Variants in TTLL2 observed in about 807,000 individuals in gnomAD.
The protein encoded by TTLL2 is probable tubulin polyglutamylase TTLL2.
Under a neutral mutation model 7.5 loss-of-function variants are expected in TTLL2, and 10 were observed. The observed-to-expected ratio is 1.33, with a 90% CI of 0.82 to 2.25. The LOEUF (loss-of-function observed/expected upper bound fraction) is 2.25. Among genes scored for constraint, TTLL2 ranks in the 30% most tolerant of loss-of-function variants. The probability of loss-of-function intolerance (pLI) is 0.00; values close to 1 mark genes in which losing one functional copy is unlikely to be tolerated. For synonymous variants in TTLL2, 284 were observed against 280.3 expected, an observed-to-expected ratio of 1.01 and a Z score of -0.13; for missense variants, 733 against 735.7, an observed-to-expected ratio of 1.00 and a Z score of 0.04.
At chr6:167,330,928 G>A (rs560124237) in intron 1 of TTLL2, among the ~76,000 whole-genome samples, 28 of 152,262 alleles carry the variant, frequency 1.8e-4, no homozygotes, top group South Asian at 1.7e-3. Context: ...GCATGAGCTC[G>A]ATAGCGCCTG....
Position 167,325,191 on chromosome 6 carries a change from G to T in TTLL2, c.18G>T (p.Leu6=). The T allele has an allele frequency of 6.3e-7, 1 of 1,579,152 alleles. No homozygotes were observed. The highest frequency in any genetic ancestry group is 8.6e-7 in the Non-Finnish European group (1 of 1,163,278). Residue 6 remains leucine (L), a synonymous_variant, in exon 1 of 3, where the codon CTG becomes CTT. Coordinates refer to ENST00000239587, the MANE Select transcript of TTLL2 (RefSeq NM_031949.5). Reference sequence around the variant, plus strand: ...AGCGCCCAATGAGAGGGCGGGACCTGTGTTCCTCCACACAAAGCCAGGCGC... The same window carrying T: ...AGCGCCCAATGAGAGGGCGGGACCTTTGTTCCTCCACACAAAGCCAGGCGC... MRGRD[L]CSSTQSQALG... is the part of the protein sequence containing the mutation.
chr6:167,325,236 GAC>G lies in TTLL2; in HGVS notation c.47+19_47+20del, dbSNP rs1177685602. 1 of 1,546,836 alleles carries G rather than the reference GAC, an allele frequency of 6.5e-7. No homozygotes were observed. The highest frequency in any genetic ancestry group is 1.4e-5 in the African/African-American group (1 of 72,582). On this transcript the variant is annotated intron_variant, in intron 1 of 2. Coordinates refer to ENST00000239587, the MANE Select transcript of TTLL2 (RefSeq NM_031949.5). ...AGGCGCTGGGGTAAGCGTAGGAGGCGACACGTAGGATGGGAGGGTGGCCCCGA... is the reference window on the plus strand; with the variant it reads ...AGGCGCTGGGGTAAGCGTAGGAGGCGACGTAGGATGGGAGGGTGGCCCCGA...
chr6:167,328,220 C>T (rs1012391265), intron 1 of TTLL2: 3 of 437,478 alleles, frequency 6.9e-6, no homozygotes, highest in Admixed American at 2.4e-5. Context: ...AGGAGGCTGC[C>T]GTCCCTGGGA....
At chr6:167,332,278 G>T (rs1190872655) in intron 1 of TTLL2, among the ~76,000 whole-genome samples, 4 of 152,154 alleles carry the variant, frequency 2.6e-5, no homozygotes, top group Admixed American at 2.6e-4. Flanking sequence ...GCAGTTGGCT[G>T]CCTGTGGTCG....
intron 1 of TTLL2, chr6:167,327,941 G>A: frequency 4.4e-6 from 2 of 454,236 alleles, no homozygotes; most frequent in Non-Finnish European, 8.9e-6. Flanking sequence ...ACAGCATCTG[G>A]TATCAAGGTC....
At chr6:167,330,805 C>T (rs893057649) in intron 1 of TTLL2, among the ~76,000 whole-genome samples, 3 of 152,094 alleles carry the variant, frequency 2.0e-5, no homozygotes, top group African/African-American at 7.2e-5. Flanking sequence ...TCACACAGGC[C>T]CCAGGACCAA....
At position 167,341,450 on chromosome 6, in the gene TTLL2, C is replaced by G; in HGVS notation, c.1550C>G (p.Pro517Arg). The change falls in exon 3 of 3, where the codon CCT (proline) becomes CGT (arginine). Residue 517 changes from proline to arginine, a missense_variant. Coordinates refer to ENST00000239587, the MANE Select transcript of TTLL2 (RefSeq NM_031949.5). The stretch of plus-strand genomic sequence containing the variant: ...CCCAAGTTACGGAGCAGGCACACGC[C>G]TCACAAGACACTCATGCCCTACGCG... ...SKPKLRSRHT[P>R]HKTLMPYASL... 1 of 1,614,036 alleles carries G rather than the reference C, an allele frequency of 6.2e-7. No individual in the cohort carries two copies. The highest frequency in any genetic ancestry group is 2.2e-5 in the East Asian group (1 of 44,848).
chr6:167,338,415 AACACAG>A (rs1779020774), intron 1 of TTLL2, among the ~76,000 whole-genome samples: 2 of 151,896 alleles, frequency 1.3e-5, no homozygotes, highest in African/African-American at 4.8e-5. Context: ...ATGCACAGAC[AACACAG>A]AAACAACAAA....
At chr6:167,328,058 G>C (rs1778870107) in intron 1 of TTLL2, 1 of 455,886 alleles carries the variant, frequency 2.2e-6, no homozygotes, top group Admixed American at 2.4e-5. Context: ...CCCTTCAGCT[G>C]GATCCCGGTC....
chr6:167,341,411 T>C lies in TTLL2; in HGVS notation c.1511T>C (p.Met504Thr), dbSNP rs150619429. The C allele has an allele frequency of 1.9e-6, 3 of 1,613,830 alleles. No homozygotes were observed. The highest frequency in any genetic ancestry group is 1.3e-5 in the African/African-American group (1 of 74,872). ...GQDFHLSTRE[M>T]PQSKPKLRSR... Reference sequence around the variant, plus strand: ...GATTTTCATCTGTCAACAAGGGAGATGCCACAAAGCAAGCCCAAGTTACGG... The same window carrying C: ...GATTTTCATCTGTCAACAAGGGAGACGCCACAAAGCAAGCCCAAGTTACGG... The change falls in exon 3 of 3, where the codon ATG (methionine) becomes ACG (threonine). Residue 504 changes from methionine to threonine, a missense_variant. Coordinates refer to ENST00000239587, the MANE Select transcript of TTLL2 (RefSeq NM_031949.5).
chr6:167,339,997 T>C, intron 2 of TTLL2, 108 bp from the exon 3 acceptor site: 1 of 1,226,536 alleles, frequency 8.2e-7, no homozygotes, highest in East Asian at 2.4e-5. Flanking sequence ...AGTGGGAGGG[T>C]GGACACACAG....
rs200616376 is a variant in TTLL2, at chr6:167,340,319, C to A, written c.419C>A (p.Pro140Gln). ...ATGACCGAACACAACAGTGTTAAAC[C>A]GTGGCAGCAGCTAAACCACCACCCT... Reference protein sequence around the residue: ...FRMTEHNSVKPWQQLNHHPGT... With the variant: ...FRMTEHNSVKQWQQLNHHPGT... Residue 140 changes from proline to glutamine, a missense_variant, in exon 3 of 3, where the codon CCG becomes CAG. Pro to Gln is a moderately conservative substitution (Grantham distance 76). Coordinates refer to ENST00000239587, the MANE Select transcript of TTLL2 (RefSeq NM_031949.5). The A allele has an allele frequency of 6.2e-7, 1 of 1,614,122 alleles. No homozygotes were observed. The highest frequency in any genetic ancestry group is 1.1e-5 in the South Asian group (1 of 91,068).
chr6:167,328,591 C>G (rs1778876490), intron 1 of TTLL2, among the ~76,000 whole-genome samples: 1 of 152,140 alleles, frequency 6.6e-6, no homozygotes, highest in African/African-American at 2.4e-5. Context: ...TTTCCTTGTT[C>G]TAGGTGCATA....
chr6:167,330,567 C>CAAA (rs67587383), intron 1 of TTLL2, among the ~76,000 whole-genome samples: 16 of 149,006 alleles, frequency 1.1e-4, no homozygotes, highest in African/African-American at 3.5e-4. Context: ...CTCACAACAA[C>CAAA]AAAAAAAAAG....
Position 167,340,688 on chromosome 6 carries a change from C to G in TTLL2, c.788C>G (p.Thr263Ser). 1 of 1,614,202 alleles carries G rather than the reference C, an allele frequency of 6.2e-7. No individual in the cohort carries two copies. The highest frequency in any genetic ancestry group is 1.1e-5 in the South Asian group (1 of 91,082). ...KCDLRIYVCV[T>S]GFKPLTIYVY... ...GATCTCCGCATCTATGTTTGTGTTA[C>G]TGGCTTTAAGCCTTTGACCATTTAT... is the stretch of plus-strand genomic sequence containing the variant. The change falls in exon 3 of 3, where the codon ACT (threonine) becomes AGT (serine). Residue 263 changes from threonine to serine, a missense_variant. Physicochemically the swap from Thr to Ser is moderately conservative, Grantham distance 58 (BLOSUM62 1). Transcript: ENST00000239587.
rs866301734 is a variant in TTLL2, at chr6:167,337,479, A to T, written c.48-1168A>T. Among the ~76,000 whole-genome samples, 6 of 152,254 alleles carry T rather than the reference A, an allele frequency of 3.9e-5. 1 individual carries two copies. Among genetic ancestry groups the T allele is most frequent in the Middle Eastern group, 6.8e-3 (2 of 294 alleles). ...AGGCCAGGCCCTAAAAGCCTATTCCAGGGGAGGCAGGGCTCAGGCCAGGGC... is the reference window on the plus strand; with the variant it reads ...AGGCCAGGCCCTAAAAGCCTATTCCTGGGGAGGCAGGGCTCAGGCCAGGGC... On this transcript the variant is annotated intron_variant, in intron 1 of 2. Coordinates refer to ENST00000239587, the MANE Select transcript of TTLL2 (RefSeq NM_031949.5).
At chr6:167,338,519 T>C in intron 1 of TTLL2, 128 bp from the exon 2 acceptor site, 1 of 1,266,794 alleles carries the variant, frequency 7.9e-7, no homozygotes, top group Non-Finnish European at 1.1e-6. Flanking sequence ...TTTGAAAGCA[T>C]TACTGCAAAC....
intron 2 of TTLL2, 44 bp from the exon 3 acceptor site, chr6:167,340,061 G>A: frequency 6.6e-7 from 1 of 1,526,176 alleles, no homozygotes; most frequent in Non-Finnish European, 8.8e-7. Flanking sequence ...ACTAGGTTAT[G>A]GTCTTGACCA....
intron 1 of TTLL2, among the ~76,000 whole-genome samples, chr6:167,330,836 G>A (rs760818915): frequency 6.6e-5 from 10 of 152,150 alleles, no homozygotes; most frequent in Non-Finnish European, 1.0e-4. Flanking sequence ...GAGGGAGAGC[G>A]TTTGGGGTGG....
Sources: gnomAD v4.1 joint callset for allele counts (sites outside exome capture counted in the v4.1 genomes callset) on GRCh38, gnomAD v4.1.1 for gene constraint, MANE v1.5 for transcripts, NCBI Gene and HGNC (gene_info 2026-07-23, HGNC 2026-07-21) for gene names.